Variants in ZNF69 observed in about 807,000 individuals in gnomAD.
ZNF69 encodes ZNF3.
Under a neutral mutation model 50.9 loss-of-function variants are expected in ZNF69, and 47 were observed. The ratio of observed to expected loss-of-function variants is 0.92; its 90% CI spans 0.73 to 1.18. ZNF69 has a LOEUF of 1.18. Ranked by LOEUF, ZNF69 falls within the 50% of genes most tolerant of loss-of-function variation. ZNF69 has a pLI of 0.00. For missense variants in ZNF69, 717 were observed against 675.1 expected (o/e 1.06, Z -0.69); for synonymous variants, 216 against 223.1 (o/e 0.97, Z 0.29).
chr19:11,951,832 G>A, the ZNF69 span, among the ~76,000 whole-genome samples: 2 of 152,146 alleles, frequency 1.3e-5, no homozygotes, highest in Non-Finnish European at 2.9e-5. Flanking sequence ...TCACTGAGGA[G>A]CATCGTCTCA....
At chr19:11,977,737 T>TCC in the ZNF69 span, among the ~76,000 whole-genome samples, 1 of 152,136 alleles carries the variant, frequency 6.6e-6, no homozygotes, top group African/African-American at 2.4e-5. Context: ...TGCATCGTAG[T>TCC]CCTAGCTACT....
chr19:11,947,459 A>G, the ZNF69 span: 1 of 1,602,514 alleles, frequency 6.2e-7, no homozygotes, highest in Non-Finnish European at 8.5e-7. Context: ...GAATCTAATA[A>G]TTTTTTCACA....
the ZNF69 span, among the ~76,000 whole-genome samples, chr19:11,960,481 C>T: frequency 6.6e-6 from 1 of 152,042 alleles, no homozygotes; most frequent in Non-Finnish European, 1.5e-5. Context: ...TTTGTAGAGA[C>T]AGGGGTCTCA....
the ZNF69 span, chr19:11,978,344 A>G: frequency 6.2e-7 from 1 of 1,614,246 alleles, no homozygotes. Flanking sequence ...AGGACTATGC[A>G]CCAAAGCCAT....
intron 1 of ZNF69, among the ~76,000 whole-genome samples, chr19:11,896,800 C>T (rs984958428): frequency 1.3e-4 from 19 of 151,972 alleles, no homozygotes; most frequent in African/African-American, 3.6e-4. Context: ...TCTTGTATTT[C>T]GGTTTTTAGA....
chr19:11,919,292 C>G (rs1346890367), downstream of ZNF69, among the ~76,000 whole-genome samples: 20 of 152,126 alleles, frequency 1.3e-4, no homozygotes, highest in Non-Finnish European at 1.5e-4. Flanking sequence ...TGCAATCATA[C>G]AGCTACCTCG....
At chr19:11,928,868 T>A in the ZNF69 span, among the ~76,000 whole-genome samples, 1 of 147,468 alleles carries the variant, frequency 6.8e-6, no homozygotes, top group East Asian at 1.9e-4. Context: ...TGGCTTGATC[T>A]CAAGAGTTCA....
the ZNF69 span, among the ~76,000 whole-genome samples, chr19:11,932,810 T>C: frequency 6.8e-6 from 1 of 147,572 alleles, no homozygotes; most frequent in Non-Finnish European, 1.5e-5. Flanking sequence ...GCTAATTTTT[T>C]GTATTTTTAG....
chr19:11,935,466 C>T, the ZNF69 span, among the ~76,000 whole-genome samples: 6 of 151,886 alleles, frequency 4.0e-5, no homozygotes, highest in Middle Eastern at 3.4e-3. Context: ...CTCCTGACCT[C>T]GATGATCCAC....
At chr19:11,942,534 G>A in the ZNF69 span, among the ~76,000 whole-genome samples, 1 of 152,148 alleles carries the variant, frequency 6.6e-6, no homozygotes, top group East Asian at 1.9e-4. Flanking sequence ...TCGGCCAGGA[G>A]CGTCAGCAGA....
chr19:11,944,439 A>G, the ZNF69 span, among the ~76,000 whole-genome samples: 1 of 152,158 alleles, frequency 6.6e-6, no homozygotes, highest in African/African-American at 2.4e-5. Context: ...TGAGGTTGGT[A>G]GGCAGCATGC....
At chr19:11,967,301 C>T in the ZNF69 span, among the ~76,000 whole-genome samples, 1 of 152,162 alleles carries the variant, frequency 6.6e-6, no homozygotes, top group Non-Finnish European at 1.5e-5. Flanking sequence ...CTCGCCACTG[C>T]ACTCCAGTGT....
the ZNF69 span, among the ~76,000 whole-genome samples, chr19:11,961,163 G>T: frequency 2.0e-5 from 3 of 152,058 alleles, no homozygotes; most frequent in Non-Finnish European, 4.4e-5. Flanking sequence ...GGTCATATTT[G>T]GACACGACGA....
the ZNF69 span, chr19:11,948,628 A>G: frequency 3.1e-6 from 5 of 1,609,852 alleles, no homozygotes; most frequent in African/African-American, 5.4e-5. Flanking sequence ...CTGTGGAAAA[A>G]CCTTTATTTT....
At chr19:11,935,305 C>G in the ZNF69 span, among the ~76,000 whole-genome samples, 1 of 129,816 alleles carries the variant, frequency 7.7e-6, no homozygotes, top group African/African-American at 3.0e-5. Flanking sequence ...GGTGTAATCT[C>G]GGCTCACTGC....
the ZNF69 span, among the ~76,000 whole-genome samples, chr19:11,931,192 G>A: frequency 6.8e-6 from 1 of 147,838 alleles, no homozygotes; most frequent in African/African-American, 2.7e-5. Context: ...TAGACTGGGT[G>A]ACTTAAAGAA....
At chr19:11,925,144 C>A in the ZNF69 span, 2 of 1,584,842 alleles carry the variant, frequency 1.3e-6, no homozygotes, top group East Asian at 2.3e-5. Context: ...GGTTGGTAAC[C>A]GGTCAGACCA....
chr19:11,956,409 G>T, the ZNF69 span: 1 of 392,886 alleles, frequency 2.5e-6, no homozygotes, highest in African/African-American at 2.1e-5. Flanking sequence ...GGGGTGATAG[G>T]TAAGTGCCTT....
At chr19:11,923,271 C>A in the ZNF69 span, among the ~76,000 whole-genome samples, 2 of 152,344 alleles carry the variant, frequency 1.3e-5, no homozygotes, top group South Asian at 4.1e-4. Context: ...CAGTGACCCT[C>A]ATCCCCCTCC....
Sources: gnomAD v4.1 joint callset for allele counts (sites outside exome capture counted in the v4.1 genomes callset) on GRCh38, gnomAD v4.1.1 for gene constraint, MANE v1.5 for transcripts, NCBI Gene and HGNC (gene_info 2026-07-23, HGNC 2026-07-21) for gene names.